Variants in NFATC2IP observed in about 807,000 individuals in gnomAD.
NFATC2IP encodes the protein nuclear factor of activated T cells 2 interacting protein.
In NFATC2IP, 25 loss-of-function variants were observed where a neutral mutation model predicts 40.2. That is an observed-to-expected ratio of 0.62 (90% CI 0.45 to 0.87). The LOEUF (loss-of-function observed/expected upper bound fraction) is 0.87. Among genes scored for constraint, NFATC2IP ranks in the 40% least tolerant of loss-of-function variants. The probability of loss-of-function intolerance (pLI) is 0.00; values close to 1 mark genes in which losing one functional copy is unlikely to be tolerated. For missense variants in NFATC2IP, 553 were observed against 555.6 expected (o/e 1.00, Z 0.05); for synonymous variants, 241 against 236.3 (o/e 1.02, Z -0.18).
chr16:28,952,284 C>T (rs765126258), intron 2 of NFATC2IP, 80 bp downstream of exon 2: 1 of 1,594,178 alleles, frequency 6.3e-7, no homozygotes, highest in East Asian at 2.2e-5. Context: ...TTCCTGCAGT[C>T]AGTTGTCTCC....
At chr16:28,954,711 G>A (rs1359002434) in intron 3 of NFATC2IP, 29 bp downstream of exon 3, 2 of 1,477,588 alleles carry the variant, frequency 1.4e-6, no homozygotes, top group Admixed American at 1.8e-5. Flanking sequence ...CTTGGGCCCT[G>A]GGAGCAGGAA....
intron 7 of NFATC2IP, among the ~76,000 whole-genome samples, chr16:28,959,346 A>T (rs550811003): frequency 6.6e-6 from 1 of 152,268 alleles, no homozygotes; most frequent in East Asian, 1.9e-4. Context: ...CCTTCTGATT[A>T]AAACAGAAAG....
intron 5 of NFATC2IP, chr16:28,958,498 T>C (rs1045099636): frequency 8.5e-6 from 4 of 468,180 alleles, no homozygotes; most frequent in African/African-American, 4.0e-5. Context: ...ACCACCCCTT[T>C]CTTTGTTCTA....
chr16:28,959,002 C>A lies in NFATC2IP; in HGVS notation c.1003C>A (p.Leu335Ile). ...TCTGCCTCCCACAGACTGTGTGGTA[C>A]TAACAAGTTCTCCAGAGGCCACAGA... Reference protein sequence around the residue: ...GVADIIDCVVLTSSPEATETS... With the variant: ...GVADIIDCVVITSSPEATETS... The change falls in exon 7 of 8, where the codon CTA becomes ATA. Residue 335 changes from leucine (L) to isoleucine (I), a missense_variant. Leu to Ile is a conservative substitution (Grantham distance 5, BLOSUM62 2). Transcript: ENST00000320805. The A allele has an allele frequency of 3.1e-6, 5 of 1,613,438 alleles. No individual in the cohort carries two copies. The highest frequency in any genetic ancestry group is 4.2e-6 in the Non-Finnish European group (5 of 1,179,374).
rs747103551 is a variant in NFATC2IP at position 28,963,663 on chromosome 16, C to T, written c.1102-42C>T. ...GTCTATCCCTACGGGATCCCCGCCC[C>T]CTTTCATGTTCTGACGTCCATTTTC... On this transcript the variant is annotated intron_variant, in intron 7 of 7. Coordinates refer to ENST00000320805, the MANE Select transcript of NFATC2IP (RefSeq NM_032815.4). The T allele has an allele frequency of 1.9e-6, 3 of 1,592,046 alleles. No individual in the cohort carries two copies. The South Asian group carries it at 3.3e-5, about 18-fold the overall frequency.
chr16:28,967,021 T>C lies in NFATC2IP; in HGVS notation c.*3158T>C, dbSNP rs1056405629. The C allele has an allele frequency of 6.6e-6, 1 of 152,218 alleles. No individual in the cohort carries two copies. The highest frequency in any genetic ancestry group is 6.5e-5 in the Admixed American group (1 of 15,272). The allele number at this position is 152,218 out of a possible 1,614,324, so 9.4% of individuals were successfully genotyped here. On this transcript the variant is annotated 3_prime_UTR_variant, in exon 8 of 8. Coordinates refer to ENST00000320805, the MANE Select transcript of NFATC2IP (RefSeq NM_032815.4). ...CTCTTCACTTTTTCAGCTTTTTAAA[T>C]GTCCATTAATAAGTTTGAATACGTT... is the stretch of plus-strand genomic sequence containing the variant.
At chr16:28,957,391 C>T (rs1965033681) in intron 5 of NFATC2IP, among the ~76,000 whole-genome samples, 1 of 151,712 alleles carries the variant, frequency 6.6e-6, no homozygotes. Context: ...TCCTGTAATC[C>T]CAGCACTTTG....
At chr16:28,952,847 AT>A (rs1964982733) in intron 2 of NFATC2IP, among the ~76,000 whole-genome samples, 1 of 150,886 alleles carries the variant, frequency 6.6e-6, no homozygotes, top group Non-Finnish European at 1.5e-5. Context: ...GGTTCAAGCG[AT>A]TCTCCTGCCT....
In NFATC2IP at chr16:28,966,053, A is replaced by C. The variant is rs562988638; in HGVS notation, c.*2190A>C. On this transcript the variant is annotated 3_prime_UTR_variant, in exon 8 of 8. Transcript: ENST00000320805. Reference sequence around the variant, plus strand: ...CTGAGTGACAGAGAGACTTTGTCTCAAAAAAAAAAGAAAATTTTAATTTTA... The same window carrying C: ...CTGAGTGACAGAGAGACTTTGTCTCCAAAAAAAAAGAAAATTTTAATTTTA... The C allele has an allele frequency of 6.7e-6, 1 of 149,604 alleles. No individual in the cohort carries two copies. Among genetic ancestry groups the C allele is most frequent in the South Asian group, 2.1e-4 (1 of 4,716 alleles). 9.3% of individuals were successfully genotyped at this position (149,604 alleles called of 1,614,324 possible). A position where few individuals can be genotyped will look rare whatever the true frequency, so the allele number is the denominator to read the frequency against.
intron 3 of NFATC2IP, among the ~76,000 whole-genome samples, chr16:28,955,367 A>C (rs1420717031): frequency 1.3e-5 from 2 of 152,170 alleles, no homozygotes; most frequent in African/African-American, 2.4e-5. Context: ...ACTTGAGCCC[A>C]GGAGTTCAAG....
rs1485631080 is a variant in NFATC2IP at position 28,965,117 on chromosome 16, ATAG to A, written c.*1256_*1258del. On this transcript the variant is annotated 3_prime_UTR_variant, in exon 8 of 8. Transcript: ENST00000320805. Reference sequence around the variant, plus strand: ...TAATTTTTGCCAGTCTCATGGGTAGATAGTGGTGCAGTGCTTTAACATACATTC... The same window carrying A: ...TAATTTTTGCCAGTCTCATGGGTAGATGGTGCAGTGCTTTAACATACATTC... 2 of 152,166 alleles carry A rather than the reference ATAG, an allele frequency of 1.3e-5. No individual in the cohort carries two copies. Among genetic ancestry groups the A allele is most frequent in the Non-Finnish European group, 2.9e-5 (2 of 68,038 alleles). The allele number at this position is 152,166 out of a possible 1,614,324, so 9.4% of individuals were successfully genotyped here. A position where few individuals can be genotyped will look rare whatever the true frequency, so the allele number is the denominator to read the frequency against.
chr16:28,954,446 G>T, intron 2 of NFATC2IP, 119 bp from the exon 3 acceptor site: 3 of 639,882 alleles, frequency 4.7e-6, no homozygotes, highest in Middle Eastern at 4.5e-4. Flanking sequence ...GTGTGTGCCA[G>T]GGGCTCCGTG....
chr16:28,951,435 C>T (rs1223186189), intron 1 of NFATC2IP, 37 bp downstream of exon 1: 11 of 1,367,996 alleles, frequency 8.0e-6, no homozygotes, highest in Non-Finnish European at 1.9e-6. Flanking sequence ...GGCGGAAGGG[C>T]CAAGGGCTTG....
chr16:28,963,384 C>G (rs184795270), intron 7 of NFATC2IP, among the ~76,000 whole-genome samples: 3 of 152,276 alleles, frequency 2.0e-5, no homozygotes, highest in Non-Finnish European at 4.4e-5. Context: ...TTGGTACACA[C>G]TTCTGTTTCA....
chr16:28,958,356 CA>C (rs373309094), intron 5 of NFATC2IP: 3,062 of 115,736 alleles, frequency 0.026, 44 homozygotes, highest in African/African-American at 0.066. Context: ...AACTCCGTCT[CA>C]AAAAAAAAAA....
intron 2 of NFATC2IP, among the ~76,000 whole-genome samples, chr16:28,953,609 G>A (rs981231754): frequency 2.0e-5 from 3 of 152,104 alleles, no homozygotes; most frequent in African/African-American, 7.2e-5. Flanking sequence ...GGCATCCGTT[G>A]GAAGCTTGCT....
chr16:28,956,498 T>C (rs1965023961), intron 5 of NFATC2IP, 161 bp downstream of exon 5: 1 of 600,136 alleles, frequency 1.7e-6, no homozygotes, highest in Admixed American at 3.0e-5. Context: ...CTTCACACTT[T>C]TTGTTTCCTC....
chr16:28,963,946 C>T lies in NFATC2IP; in HGVS notation c.*83C>T. The T allele has an allele frequency of 7.7e-7, 1 of 1,294,022 alleles. No individual in the cohort carries two copies. Among genetic ancestry groups the T allele is most frequent in the South Asian group, 1.3e-5 (1 of 77,450 alleles). 80.2% of individuals were successfully genotyped at this position (1,294,022 alleles called of 1,614,324 possible). On this transcript the variant is annotated 3_prime_UTR_variant, in exon 8 of 8. Transcript: ENST00000320805. ...TTTGCCCCATAAGGGCTAGCATAAG[C>T]TGAGGTAGAACTTATCTTTAAGCTG...
chr16:28,955,790 TCTTGCCCA>T (rs1965013762), intron 3 of NFATC2IP, among the ~76,000 whole-genome samples, 180 bp from the exon 4 acceptor site: 1 of 152,064 alleles, frequency 6.6e-6, no homozygotes, highest in Non-Finnish European at 1.5e-5. Context: ...GGTCTCCCCA[TCTTGCCCA>T]GCCTGGTCTT....
Sources: gnomAD v4.1 joint callset for allele counts (sites outside exome capture counted in the v4.1 genomes callset) on GRCh38, gnomAD v4.1.1 for gene constraint, MANE v1.5 for transcripts, NCBI Gene and HGNC (gene_info 2026-07-23, HGNC 2026-07-21) for gene names.